Variants in PTPRE observed in about 807,000 individuals in gnomAD.
The protein encoded by PTPRE is protein tyrosine phosphatase receptor type E.
In PTPRE, 51 loss-of-function variants were observed where a neutral mutation model predicts 102.0. That is an observed-to-expected ratio of 0.50 (90% CI 0.40 to 0.63). The LOEUF (loss-of-function observed/expected upper bound fraction) is 0.63. Ranked by LOEUF, PTPRE falls within the 30% of genes least tolerant of loss-of-function variation. The pLI is 0.00. For missense variants in PTPRE, 752 were observed against 915.1 expected (o/e 0.82, Z 2.30); for synonymous variants, 345 against 348.2 (o/e 0.99, Z 0.10).
At chr10:127,946,949 G>A (rs759976732) in intron 1 of PTPRE, among the ~76,000 whole-genome samples, 3 of 151,042 alleles carry the variant, frequency 2.0e-5, no homozygotes, top group Non-Finnish European at 2.9e-5. Flanking sequence ...GATCCCTCGA[G>A]CTCAGGAGGG....
rs1370068104 is a variant in PTPRE at position 128,061,723 on chromosome 10, T to G, written c.625+8T>G. 2 of 1,581,198 alleles carry G rather than the reference T, an allele frequency of 1.3e-6. No individual in the cohort carries two copies. Among genetic ancestry groups the G allele is most frequent in the Non-Finnish European group, 1.7e-6 (2 of 1,166,798 alleles). On this transcript the variant is annotated splice_region_variant and intron_variant, in intron 9 of 20. Coordinates refer to ENST00000254667, the MANE Select transcript of PTPRE (RefSeq NM_006504.6). ...AATTCATAGCAGCTCAAGGTAAGCT[T>G]TTTATTAATTTCTCAACGTATTTTT... is the stretch of plus-strand genomic sequence containing the variant.
chr10:128,002,298 A>G (rs531250770), intron 2 of PTPRE, among the ~76,000 whole-genome samples: 1 of 152,306 alleles, frequency 6.6e-6, no homozygotes, highest in African/African-American at 2.4e-5. Context: ...GAACAAGGCC[A>G]TCAGGAGGAA....
At chr10:127,948,196 G>A (rs1233071233) in intron 1 of PTPRE, among the ~76,000 whole-genome samples, 3 of 152,126 alleles carry the variant, frequency 2.0e-5, no homozygotes, top group Non-Finnish European at 4.4e-5. Context: ...CCTGAGCTTG[G>A]GGATGTGCAC....
At position 128,028,252 on chromosome 10, in the gene PTPRE, C is replaced by T. The variant is rs901109629; in HGVS notation, c.-7-12623C>T. 1.3e-5 allele frequency among the ~76,000 whole-genome samples: 2 copies of T among 152,120 alleles called. No individual in the cohort carries two copies. Among genetic ancestry groups the T allele is most frequent in the Non-Finnish European group, 2.9e-5 (2 of 68,018 alleles). Reference sequence around the variant, plus strand: ...CTTACCATCAATTAAATATGGGATCCGGATCACCCTGCGCCTGTCTCCTCC... The same window carrying T: ...CTTACCATCAATTAAATATGGGATCTGGATCACCCTGCGCCTGTCTCCTCC... On this transcript the variant is annotated intron_variant, in intron 2 of 20. Coordinates refer to ENST00000254667, the MANE Select transcript of PTPRE (RefSeq NM_006504.6). This position sits in a 1 kb window ranked among gnomAD's most constrained non-coding sequence, Gnocchi z 4.5.
At chr10:127,977,921 C>T (rs998349232) in intron 1 of PTPRE, among the ~76,000 whole-genome samples, 1 of 152,174 alleles carries the variant, frequency 6.6e-6, no homozygotes, top group South Asian at 2.1e-4. Flanking sequence ...CAGCTGTGAG[C>T]TCCAGGGACT....
intron 2 of PTPRE, among the ~76,000 whole-genome samples, chr10:127,993,118 T>C (rs1201211466): frequency 1.3e-5 from 2 of 152,108 alleles, no homozygotes; most frequent in Non-Finnish European, 2.9e-5. Flanking sequence ...TGAAATTGCG[T>C]ATTCAGGTCT....
intron 3 of PTPRE, 71 bp downstream of exon 3, chr10:128,041,061 A>G (rs1045293363): frequency 7.7e-7 from 1 of 1,300,460 alleles, no homozygotes; most frequent in African/African-American, 1.5e-5. Context: ...TCAGAGGGTG[A>G]TAAAGGGGCT....
intron 2 of PTPRE, among the ~76,000 whole-genome samples, chr10:127,982,783 A>G (rs1433738953): frequency 3.9e-5 from 6 of 152,326 alleles, no homozygotes; most frequent in African/African-American, 1.4e-4. Context: ...AAGCAGTGTC[A>G]GTGGTGTCGC....
rs754459912 is a variant in PTPRE, at chr10:128,082,974, T to A, written c.*68T>A. On this transcript the variant is annotated 3_prime_UTR_variant, in exon 21 of 21. Coordinates refer to ENST00000254667, the MANE Select transcript of PTPRE (RefSeq NM_006504.6). ...ATTTTGTAAAAATCATGTTAATTTA[T>A]TTCATAGTTGACATTAATATCTTCC... 1 of 1,372,294 alleles carries A rather than the reference T, an allele frequency of 7.3e-7. No individual in the cohort carries two copies. The allele number at this position is 1,372,294 out of a possible 1,614,324, so 85.0% of individuals were successfully genotyped here. A position where few individuals can be genotyped will look rare whatever the true frequency, so the allele number is the denominator to read the frequency against.
chr10:128,074,621 C>T (rs1030581382), intron 17 of PTPRE, among the ~76,000 whole-genome samples: 5 of 151,520 alleles, frequency 3.3e-5, no homozygotes, highest in South Asian at 4.2e-4. Flanking sequence ...GAGCTGAGAT[C>T]GCGCCATTGC....
chr10:127,913,596 C>A lies in PTPRE; in HGVS notation c.-31+6287C>A, dbSNP rs567112392. Reference sequence around the variant, plus strand: ...TCTCCACAGTAGGACTTTCATAGGTCTGCGGTGCAGACTGGTTTGCTGTCC... The same window carrying A: ...TCTCCACAGTAGGACTTTCATAGGTATGCGGTGCAGACTGGTTTGCTGTCC... On this transcript the variant is annotated intron_variant, in intron 1 of 20. Coordinates refer to ENST00000254667, the MANE Select transcript of PTPRE (RefSeq NM_006504.6). 5.9e-5 allele frequency among the ~76,000 whole-genome samples: 9 copies of A among 152,336 alleles called. No homozygotes were observed. The South Asian group carries it at 1.5e-3, about 25-fold the overall frequency.
chr10:127,957,134 TA>T (rs1300871354), intron 1 of PTPRE, among the ~76,000 whole-genome samples: 1 of 152,222 alleles, frequency 6.6e-6, no homozygotes, highest in Non-Finnish European at 1.5e-5. Flanking sequence ...GTATTGTATC[TA>T]AAAAGTCATC....
At chr10:128,007,062 A>G (rs1236899366) in intron 2 of PTPRE, among the ~76,000 whole-genome samples, 1 of 152,174 alleles carries the variant, frequency 6.6e-6, no homozygotes, top group Non-Finnish European at 1.5e-5. Context: ...CTGATTTTCT[A>G]GAAGATTGTG....
At chr10:128,056,933 G>A (rs767834785) in intron 7 of PTPRE, among the ~76,000 whole-genome samples, 7 of 152,030 alleles carry the variant, frequency 4.6e-5, no homozygotes, top group Non-Finnish European at 7.4e-5. Flanking sequence ...GAGCTGGCCC[G>A]GGCCGGGTGC....
At chr10:127,948,616 T>C (rs1475753511) in intron 1 of PTPRE, among the ~76,000 whole-genome samples, 1 of 152,200 alleles carries the variant, frequency 6.6e-6, no homozygotes, top group African/African-American at 2.4e-5. Context: ...ATATGTAGCT[T>C]TTTCAGATTG....
intron 18 of PTPRE, 44 bp downstream of exon 18, chr10:128,076,772 C>A: frequency 1.2e-6 from 2 of 1,604,822 alleles, no homozygotes; most frequent in Non-Finnish European, 1.7e-6. Flanking sequence ...ATTTAGTGAA[C>A]CACGCCCTCC....
At chr10:127,981,041 C>A (rs973433599) in intron 1 of PTPRE, among the ~76,000 whole-genome samples, 8 of 152,080 alleles carry the variant, frequency 5.3e-5, no homozygotes, top group Non-Finnish European at 1.2e-4. Context: ...CCACTCAGAA[C>A]AAAACAAGCG....
chr10:127,935,119 A>C (rs1847751692), intron 1 of PTPRE, among the ~76,000 whole-genome samples: 1 of 152,066 alleles, frequency 6.6e-6, no homozygotes, highest in Non-Finnish European at 1.5e-5. Flanking sequence ...CGCGTGACTG[A>C]CAGTGCTGTC....
At chr10:128,037,925 G>A (rs931888143) in intron 2 of PTPRE, among the ~76,000 whole-genome samples, 1 of 151,448 alleles carries the variant, frequency 6.6e-6, no homozygotes, top group African/African-American at 2.4e-5. Context: ...TGAGTGGCTG[G>A]GATTACAGGT....
Sources: allele counts gnomAD v4.1 joint callset (sites outside exome capture counted in the v4.1 genomes callset), GRCh38; gene constraint gnomAD v4.1.1; non-coding constraint Gnocchi (gnomAD v3.1); transcripts MANE v1.5; gene names NCBI Gene and HGNC (gene_info 2026-07-23, HGNC 2026-07-21).